Variants in NRG1 observed in about 807,000 individuals in gnomAD.
NRG1 encodes the protein neuregulin 1.
Under a neutral mutation model 63.8 loss-of-function variants are expected in NRG1, and 18 were observed. The observed-to-expected ratio is 0.28, with a 90% CI of 0.19 to 0.42. The LOEUF is 0.42. Among genes scored for constraint, NRG1 ranks in the 10% least tolerant of loss-of-function variants. The pLI is 1.00. For synonymous variants in NRG1, 302 were observed against 301.3 expected, an observed-to-expected ratio of 1.00 and a Z score of -0.02; for missense variants, 762 against 814.7, an observed-to-expected ratio of 0.94 and a Z score of 0.79.
intron 6 of NRG1, among the ~76,000 whole-genome samples, chr8:32,737,890 C>A: frequency 6.6e-6 from 1 of 151,894 alleles, no homozygotes; most frequent in East Asian, 1.9e-4. Flanking sequence ...CCAGGCTTGT[C>A]CTGAACTCCT....
intron 1 of NRG1, among the ~76,000 whole-genome samples, chr8:32,306,319 T>A (rs1449803475): frequency 1.3e-5 from 2 of 152,080 alleles, no homozygotes; most frequent in Admixed American, 1.3e-4. Flanking sequence ...CCTGGGTAAA[T>A]CTCCTTAAGA....
chr8:32,193,370 C>T (rs1842677115), intron 1 of NRG1, among the ~76,000 whole-genome samples: 1 of 151,770 alleles, frequency 6.6e-6, no homozygotes, highest in African/African-American at 2.4e-5. Flanking sequence ...TATGCCCATT[C>T]CTTCTAGGAA....
chr8:32,158,983 G>A (rs913794232), intron 1 of NRG1, among the ~76,000 whole-genome samples: 1 of 152,058 alleles, frequency 6.6e-6, no homozygotes, highest in Admixed American at 6.5e-5. Context: ...GTGCTGCCTC[G>A]CTGTGGATTA....
At chr8:31,768,290 T>C (rs1239070493) in intron 1 of NRG1, among the ~76,000 whole-genome samples, 1 of 152,248 alleles carries the variant, frequency 6.6e-6, no homozygotes, top group Non-Finnish European at 1.5e-5. Context: ...CTTATTTATA[T>C]TCTGGAAAGA....
chr8:31,792,045 C>A (rs889027378), intron 1 of NRG1, among the ~76,000 whole-genome samples: 11 of 152,156 alleles, frequency 7.2e-5, no homozygotes, highest in Admixed American at 6.5e-4. Context: ...TTTCCCTCCA[C>A]ATCTTATAGC....
intron 1 of NRG1, among the ~76,000 whole-genome samples, chr8:31,932,528 A>T (rs1834951362): frequency 6.6e-6 from 1 of 152,194 alleles, no homozygotes. Flanking sequence ...TTTCCTCTGG[A>T]GATCACTTGT....
At chr8:32,344,679 T>C (rs1352193846) in intron 1 of NRG1, among the ~76,000 whole-genome samples, 2 of 147,438 alleles carry the variant, frequency 1.4e-5, no homozygotes, top group African/African-American at 2.5e-5. Context: ...GGTCTTGAAC[T>C]CCTGGGCTGA....
chr8:32,486,050 C>T (rs907981014), intron 1 of NRG1, among the ~76,000 whole-genome samples: 3 of 152,050 alleles, frequency 2.0e-5, no homozygotes, highest in African/African-American at 7.2e-5. Context: ...GCCTCAGCCT[C>T]CCAAGTAGCT....
intron 1 of NRG1, among the ~76,000 whole-genome samples, chr8:32,141,613 T>C (rs1038832815): frequency 1.4e-5 from 2 of 138,596 alleles, no homozygotes; most frequent in African/African-American, 5.2e-5. Context: ...TATATATATA[T>C]ATATATATAT....
At chr8:31,828,999 C>A (rs527924991) in intron 1 of NRG1, among the ~76,000 whole-genome samples, 1 of 152,166 alleles carries the variant, frequency 6.6e-6, no homozygotes, top group East Asian at 1.9e-4. Flanking sequence ...AGCTACAATG[C>A]GGAGACAGGG....
chr8:32,050,702 G>C (rs1336967508), intron 1 of NRG1, among the ~76,000 whole-genome samples: 1 of 152,056 alleles, frequency 6.6e-6, no homozygotes, highest in Non-Finnish European at 1.5e-5. Flanking sequence ...GACTATGGTG[G>C]CCAGTCATTT....
intron 1 of NRG1, among the ~76,000 whole-genome samples, chr8:31,773,552 T>C (rs1175543785): frequency 6.6e-6 from 1 of 152,194 alleles, no homozygotes; most frequent in East Asian, 1.9e-4. Context: ...TGACTCTTGC[T>C]CCTCCATAGT....
chr8:31,825,240 T>C (rs1469847849), intron 1 of NRG1, among the ~76,000 whole-genome samples: 2 of 151,870 alleles, frequency 1.3e-5, no homozygotes, highest in Non-Finnish European at 2.9e-5. Context: ...ATACAAAAAC[T>C]AGCCGGGTGT....
chr8:32,228,455 G>A (rs190287576), intron 1 of NRG1, among the ~76,000 whole-genome samples: 28 of 152,100 alleles, frequency 1.8e-4, no homozygotes, highest in East Asian at 1.4e-3. Context: ...CAATAGTAGC[G>A]TGAGTATCTG....
At chr8:31,902,248 T>C (rs1325643326) in intron 1 of NRG1, among the ~76,000 whole-genome samples, 1 of 152,200 alleles carries the variant, frequency 6.6e-6, no homozygotes, top group African/African-American at 2.4e-5. Context: ...GGGTGAGCTC[T>C]ATTATCTACT....
chr8:32,739,418 A>G (rs921854475), intron 6 of NRG1, among the ~76,000 whole-genome samples: 1 of 152,228 alleles, frequency 6.6e-6, no homozygotes. Flanking sequence ...CCAAATGAAG[A>G]CAAACACTAG....
At chr8:32,122,905 G>A (rs1321475940) in intron 1 of NRG1, among the ~76,000 whole-genome samples, 1 of 151,750 alleles carries the variant, frequency 6.6e-6, no homozygotes, top group Non-Finnish European at 1.5e-5. Context: ...ATAGTTTACT[G>A]AGAATGATGA....
intron 1 of NRG1, among the ~76,000 whole-genome samples, chr8:32,428,163 G>A (rs1817639550): frequency 6.6e-6 from 1 of 151,992 alleles, no homozygotes; most frequent in African/African-American, 2.4e-5. Flanking sequence ...GCTTCTACCT[G>A]GACACCACAC....
chr8:32,517,531 G>A (rs1391288395), intron 1 of NRG1, among the ~76,000 whole-genome samples: 2 of 152,094 alleles, frequency 1.3e-5, no homozygotes, highest in East Asian at 1.9e-4. Context: ...TTTCTCAAAA[G>A]GCATGTATCT....
Sources: allele counts gnomAD v4.1 joint callset (sites outside exome capture counted in the v4.1 genomes callset), GRCh38; gene constraint gnomAD v4.1.1; transcripts MANE v1.5; gene names NCBI Gene and HGNC (gene_info 2026-07-23, HGNC 2026-07-21).